EXOC4: variants seen among roughly 807,000 people sequenced by gnomAD.
EXOC4 encodes the protein exocyst complex component 4.
EXOC4 carries 71 observed loss-of-function variants against 107.2 expected under a neutral mutation model. The observed-to-expected ratio is 0.66, with a 90% confidence interval of 0.55 to 0.81. The LOEUF (loss-of-function observed/expected upper bound fraction) is 0.81, where lower values mean the gene tolerates loss of function less well. Among genes scored for constraint, EXOC4 ranks in the 30% least tolerant of loss-of-function variants. The pLI, the probability that EXOC4 is intolerant of heterozygous loss-of-function variation, is 0.00. For synonymous variants in EXOC4, 456 were observed against 441.2 expected, an observed-to-expected ratio of 1.03 and a Z score of -0.42; for missense variants, 1,108 against 1,189.6, an observed-to-expected ratio of 0.93 and a Z score of 1.01.
intron 6 of EXOC4, among the ~76,000 whole-genome samples, chr7:133,372,931 C>T (rs902643815): frequency 1.3e-5 from 2 of 152,118 alleles, no homozygotes; most frequent in Admixed American, 1.3e-4. Context: ...CAAGAGAGTA[C>T]AAAAGATATA....
chr7:133,430,159 G>A (rs12537773), intron 7 of EXOC4, among the ~76,000 whole-genome samples: 71,061 of 151,976 alleles, frequency 0.47, 17,173 homozygotes, highest in East Asian at 0.6. Context: ...GAGCTGGAAA[G>A]GAGATGGAGT....
At chr7:133,694,563 T>G (rs962681171) in intron 10 of EXOC4, among the ~76,000 whole-genome samples, 1 of 152,192 alleles carries the variant, frequency 6.6e-6, no homozygotes, top group Non-Finnish European at 1.5e-5. Flanking sequence ...TGAAGATATA[T>G]TCTCATTTCA....
At chr7:133,524,640 G>C (rs1309837366) in intron 9 of EXOC4, among the ~76,000 whole-genome samples, 1 of 151,376 alleles carries the variant, frequency 6.6e-6, no homozygotes, top group Non-Finnish European at 1.5e-5. Context: ...AAGGGATCCA[G>C]TTTCAGCTTT....
intron 11 of EXOC4, among the ~76,000 whole-genome samples, chr7:133,855,144 A>AATATATAT: frequency 1.0e-5 from 1 of 96,502 alleles, no homozygotes; most frequent in Admixed American, 9.9e-5. Context: ...TATATATATA[A>AATATATAT]ATATATATAT....
intron 10 of EXOC4, among the ~76,000 whole-genome samples, chr7:133,792,109 G>A (rs1003170751): frequency 1.4e-4 from 21 of 151,976 alleles, no homozygotes; most frequent in Non-Finnish European, 2.9e-4. Context: ...TCGTGGCATC[G>A]GGCAGTTCAC....
chr7:133,684,027 C>G (rs923595595), intron 10 of EXOC4, among the ~76,000 whole-genome samples: 1 of 152,088 alleles, frequency 6.6e-6, no homozygotes, highest in African/African-American at 2.4e-5. Context: ...TAGAAAGCTA[C>G]GGGATCACAT....
At chr7:133,800,827 A>G (rs1796925227) in intron 10 of EXOC4, among the ~76,000 whole-genome samples, 1 of 152,206 alleles carries the variant, frequency 6.6e-6, no homozygotes, top group African/African-American at 2.4e-5. Flanking sequence ...TCAAGCATAC[A>G]TAAATTCTCA....
At chr7:133,473,952 G>C (rs12533736) in intron 7 of EXOC4, among the ~76,000 whole-genome samples, 73,364 of 151,758 alleles carry the variant, frequency 0.48, 18,138 homozygotes, top group East Asian at 0.61. Flanking sequence ...TGCCTGCCTC[G>C]GCCTCCTAAA....
At chr7:133,945,362 G>A (rs563911696) in intron 14 of EXOC4, among the ~76,000 whole-genome samples, 1 of 152,306 alleles carries the variant, frequency 6.6e-6, no homozygotes, top group South Asian at 2.1e-4. Context: ...TTTGGGAAAT[G>A]CTTTGTAATT....
intron 10 of EXOC4, among the ~76,000 whole-genome samples, chr7:133,779,520 TC>T (rs2151171168): frequency 6.6e-6 from 1 of 152,350 alleles, no homozygotes; most frequent in East Asian, 1.9e-4. Flanking sequence ...GATATTTAGG[TC>T]AGAGGACTTA....
chr7:133,412,864 T>C (rs2150748142), intron 7 of EXOC4, among the ~76,000 whole-genome samples: 1 of 152,256 alleles, frequency 6.6e-6, no homozygotes, highest in Admixed American at 6.5e-5. Context: ...ACAATTACTC[T>C]GCTATCTTTC....
At chr7:133,863,472 T>C (rs977733016) in intron 11 of EXOC4, among the ~76,000 whole-genome samples, 1 of 152,178 alleles carries the variant, frequency 6.6e-6, no homozygotes, top group Non-Finnish European at 1.5e-5. Flanking sequence ...TATTTCATTA[T>C]ATAAAGTTCA....
In EXOC4 at chr7:134,065,302, T is replaced by C. The variant is rs1796157365; in HGVS notation, c.*774T>C. 1 of 151,158 alleles carries C rather than the reference T, an allele frequency of 6.6e-6. No homozygotes were observed. Among genetic ancestry groups the C allele is most frequent in the Non-Finnish European group, 1.5e-5 (1 of 67,786 alleles). The allele number at this position is 151,158 out of a possible 1,614,324, so 9.4% of individuals were successfully genotyped here. A position where few individuals can be genotyped will look rare whatever the true frequency, so the allele number is the denominator to read the frequency against. On this transcript the variant is annotated 3_prime_UTR_variant, in exon 18 of 18. Transcript: ENST00000253861. Reference sequence around the variant, plus strand: ...TTGATTCCCGCCCCGCCACCCCTAATTTCTGAGAGAATAATGGTTAGAGAA... The same window carrying C: ...TTGATTCCCGCCCCGCCACCCCTAACTTCTGAGAGAATAATGGTTAGAGAA...
chr7:133,373,101 C>G (rs1796412392), intron 6 of EXOC4, among the ~76,000 whole-genome samples: 2 of 152,144 alleles, frequency 1.3e-5, no homozygotes, highest in Admixed American at 1.3e-4. Flanking sequence ...TTCACTTAAT[C>G]AGGTATTTAC....
chr7:133,660,357 A>C (rs1313716863), intron 10 of EXOC4, among the ~76,000 whole-genome samples: 1 of 152,074 alleles, frequency 6.6e-6, no homozygotes, highest in Non-Finnish European at 1.5e-5. Context: ...GAGTAAGGGG[A>C]ATTGTTGAGG....
intron 10 of EXOC4, among the ~76,000 whole-genome samples, chr7:133,815,460 T>C (rs985173038): frequency 1.3e-5 from 2 of 151,990 alleles, no homozygotes; most frequent in African/African-American, 2.4e-5. Flanking sequence ...AAAACTGATA[T>C]GTATTTAGTA....
In EXOC4 at chr7:133,908,913, G is replaced by A. The variant is rs145356765; in HGVS notation, c.1872-8670G>A. ...GCAGGTTTATTACATCAGTATACACGGGCCGTGGTGGTGTGCTGCACCCAT... is the reference window on the plus strand; with the variant it reads ...GCAGGTTTATTACATCAGTATACACAGGCCGTGGTGGTGTGCTGCACCCAT... On this transcript the variant is annotated intron_variant, in intron 12 of 17. Coordinates refer to ENST00000253861, the MANE Select transcript of EXOC4 (RefSeq NM_021807.4). 4.9e-3 allele frequency among the ~76,000 whole-genome samples: 741 copies of A among 152,076 alleles called. 3 individuals carry two copies. The highest frequency in any genetic ancestry group is 0.017 in the Middle Eastern group (5 of 292).
At chr7:133,688,663 G>T (rs1379759470) in intron 10 of EXOC4, among the ~76,000 whole-genome samples, 5 of 151,972 alleles carry the variant, frequency 3.3e-5, no homozygotes, top group African/African-American at 1.2e-4. Context: ...AAAATAAAAC[G>T]TTCATACATA....
At chr7:133,812,109 G>A (rs1022977667) in intron 10 of EXOC4, among the ~76,000 whole-genome samples, 3 of 151,656 alleles carry the variant, frequency 2.0e-5, no homozygotes, top group African/African-American at 7.3e-5. Context: ...TGTCAACTAG[G>A]GATGATTAGA....
Sources: gnomAD v4.1 joint callset for allele counts (sites outside exome capture counted in the v4.1 genomes callset) on GRCh38, gnomAD v4.1.1 for gene constraint, MANE v1.5 for transcripts, NCBI Gene and HGNC (gene_info 2026-07-23, HGNC 2026-07-21) for gene names.